PLA2G4E: variants seen among roughly 807,000 people sequenced by gnomAD.
PLA2G4E encodes the protein phospholipase A2 group IVE, also known as cytosolic phospholipase A2 epsilon.
A neutral mutation model predicts 109.1 loss-of-function variants in PLA2G4E; 84 were observed. That is an observed-to-expected ratio of 0.77 (90% CI 0.65 to 0.92). PLA2G4E has a LOEUF of 0.92. Ranked by LOEUF, PLA2G4E falls within the 40% of genes least tolerant of loss-of-function variation. PLA2G4E has a pLI of 0.00. For missense variants in PLA2G4E, 1,057 were observed against 1,076.6 expected (o/e 0.98, Z 0.25); for synonymous variants, 469 against 436.1 (o/e 1.08, Z -0.94).
intron 1 of PLA2G4E, among the ~76,000 whole-genome samples, chr15:42,015,737 C>T (rs2068587352): frequency 6.6e-6 from 1 of 152,206 alleles, no homozygotes; most frequent in African/African-American, 2.4e-5. Context: ...TGGCTGGCTC[C>T]AGAAGCTTCC....
intron 13 of PLA2G4E, 63 bp downstream of exon 13, chr15:41,992,674 G>A: frequency 2.0e-6 from 3 of 1,514,136 alleles, no homozygotes; most frequent in Non-Finnish European, 2.7e-6. Flanking sequence ...ACTCCCCTGA[G>A]GAAGAAAGAG....
At chr15:42,013,641 A>G (rs1284945087) in intron 2 of PLA2G4E, 44 bp downstream of exon 2, 2 of 1,491,012 alleles carry the variant, frequency 1.3e-6, no homozygotes, top group South Asian at 1.2e-5. Context: ...TCTTCCATCC[A>G]GATCCGGTAA....
Position 42,007,686 on chromosome 15 carries a change from A to T in PLA2G4E, c.393+43T>A, listed in dbSNP as rs553060547. ...AAGGACAAGTGGGCAAGAGGGGAGTAAAATGCAGACAGGGAAGACAGGTGC... is the reference window on the plus strand; with the variant it reads ...AAGGACAAGTGGGCAAGAGGGGAGTTAAATGCAGACAGGGAAGACAGGTGC... On this transcript the variant is annotated intron_variant, in intron 3 of 19. Transcript: ENST00000399518. 8 of 1,592,814 alleles carry T rather than the reference A, an allele frequency of 5.0e-6. No individual in the cohort carries two copies. In the East Asian group the frequency reaches 6.7e-5, roughly 13 times the overall value.
At chr15:42,000,164 G>A in exon 8 of PLA2G4E, 2 of 1,595,974 alleles carry the variant, frequency 1.3e-6, no homozygotes, top group Non-Finnish European at 1.7e-6. Flanking sequence ...AGTACTTGGG[G>A]TAGTGGAAGC....
intron 13 of PLA2G4E, among the ~76,000 whole-genome samples, chr15:41,992,381 C>T (rs1397218939): frequency 6.6e-6 from 1 of 152,168 alleles, no homozygotes; most frequent in Non-Finnish European, 1.5e-5. Context: ...TCTTCCTCTC[C>T]CCACCCCTAG....
chr15:42,029,087 T>C (rs754983064), intron 1 of PLA2G4E, among the ~76,000 whole-genome samples: 1 of 149,206 alleles, frequency 6.7e-6, no homozygotes, highest in Non-Finnish European at 1.5e-5. Flanking sequence ...AGCTTAGTGC[T>C]TTTCTTTTCT....
Position 42,000,567 on chromosome 15 carries a change from T to C in PLA2G4E, c.674-285A>G, listed in dbSNP as rs2068406203. On this transcript the variant is annotated intron_variant, in intron 7 of 19. Transcript: ENST00000399518. ...TCCTTGGCTCAGCTTTGCCAGAAGA[T>C]GCCCCAAAGTAACCTGCCCACTGTA... 2.6e-5 allele frequency among the ~76,000 whole-genome samples: 4 copies of C among 152,200 alleles called. No individual in the cohort carries two copies. In the South Asian group the frequency reaches 8.3e-4, roughly 31 times the overall value.
intron 7 of PLA2G4E, 30 bp downstream of exon 7, chr15:42,001,127 C>T (rs1401328432): frequency 1.3e-6 from 2 of 1,592,136 alleles, no homozygotes; most frequent in African/African-American, 2.7e-5. Context: ...CCCTTGTCCC[C>T]CAGTAGGCAG....
At chr15:42,039,717 A>G (rs1262501262) in intron 1 of PLA2G4E, among the ~76,000 whole-genome samples, 1 of 152,180 alleles carries the variant, frequency 6.6e-6, no homozygotes, top group African/African-American at 2.4e-5. Context: ...AAAATAAAAT[A>G]TATAAACCTA....
chr15:42,004,605 A>C (rs1358675336), intron 5 of PLA2G4E, among the ~76,000 whole-genome samples: 4 of 152,164 alleles, frequency 2.6e-5, no homozygotes, highest in Non-Finnish European at 5.9e-5. Context: ...GGGCCTCAAC[A>C]AGGCCCCCAT....
intron 2 of PLA2G4E, among the ~76,000 whole-genome samples, chr15:42,009,479 A>G (rs1405951402): frequency 6.6e-6 from 1 of 152,116 alleles, no homozygotes; most frequent in Non-Finnish European, 1.5e-5. Context: ...AGCTTTTTAG[A>G]TATGACCATG....
At chr15:42,037,408 G>A in intron 1 of PLA2G4E, among the ~76,000 whole-genome samples, 1 of 152,228 alleles carries the variant, frequency 6.6e-6, no homozygotes, top group East Asian at 1.9e-4. Flanking sequence ...CCCACTCCAG[G>A]GCCTCCTCTC....
intron 13 of PLA2G4E, among the ~76,000 whole-genome samples, chr15:41,990,811 C>G (rs867960207): frequency 1.8e-4 from 25 of 137,172 alleles, no homozygotes; most frequent in East Asian, 9.4e-4. Context: ...TGAGGTCACT[C>G]TAATCCCCAG....
chr15:42,030,502 C>A (rs1332718970), intron 1 of PLA2G4E, among the ~76,000 whole-genome samples: 1 of 152,160 alleles, frequency 6.6e-6, no homozygotes, highest in Non-Finnish European at 1.5e-5. Flanking sequence ...TCACTCTGGG[C>A]CCCGAGGGGA....
At chr15:41,981,672 G>T (rs2141016558) in exon 20 of PLA2G4E, 1 of 152,346 alleles carries the variant, frequency 6.6e-6, no homozygotes, top group East Asian at 1.9e-4. Context: ...CCAAGGCATG[G>T]CTGCCTTCGC....
chr15:42,002,821 A>C, intron 5 of PLA2G4E, 125 bp from the exon 6 acceptor site: 1 of 957,904 alleles, frequency 1.0e-6, no homozygotes, highest in African/African-American at 1.7e-5. Flanking sequence ...CTCATAAAAA[A>C]TACTAGCTTC....
intron 5 of PLA2G4E, 112 bp from the exon 6 acceptor site, chr15:42,002,808 G>C: frequency 9.5e-7 from 1 of 1,053,838 alleles, no homozygotes; most frequent in Non-Finnish European, 1.4e-6. Flanking sequence ...AGCCTTCTTT[G>C]TTCTCATAAA....
chr15:42,007,700 G>A (rs1358807830), intron 3 of PLA2G4E, 29 bp downstream of exon 3: 10 of 1,604,256 alleles, frequency 6.2e-6, no homozygotes, highest in Middle Eastern at 1.7e-4. Context: ...TGCAGACAGG[G>A]AAGACAGGTG....
chr15:42,028,764 C>T (rs1727722787), intron 1 of PLA2G4E, among the ~76,000 whole-genome samples: 1 of 152,098 alleles, frequency 6.6e-6, no homozygotes, highest in South Asian at 2.1e-4. Flanking sequence ...TAAATAAAAT[C>T]CAATTTCCTA....
Sources: gnomAD v4.1 joint callset for allele counts (sites outside exome capture counted in the v4.1 genomes callset) on GRCh38, gnomAD v4.1.1 for gene constraint, MANE v1.5 for transcripts, NCBI Gene and HGNC (gene_info 2026-07-23, HGNC 2026-07-21) for gene names.